The following CNTN5 variants were observed in gnomAD, a reference collection of about 807,000 sequenced individuals.
The protein encoded by CNTN5 is contactin-5.
CNTN5 carries 77 observed loss-of-function variants against 129.1 expected under a neutral mutation model. That is an observed-to-expected ratio of 0.60 (90% confidence interval 0.50 to 0.72). The LOEUF is 0.72. Ranked by LOEUF, CNTN5 falls within the 30% of genes least tolerant of loss-of-function variation. The pLI is 0.00. For synonymous variants in CNTN5, 509 were observed against 465.6 expected, an observed-to-expected ratio of 1.09 and a Z score of -1.20; for missense variants, 1,478 against 1,328.8, an observed-to-expected ratio of 1.11 and a Z score of -1.75.
intron 1 of CNTN5, among the ~76,000 whole-genome samples, chr11:99,150,747 A>G (rs1183409279): frequency 6.6e-6 from 1 of 152,024 alleles, no homozygotes; most frequent in Non-Finnish European, 1.5e-5. Flanking sequence ...AAAGTTAAGG[A>G]TAGTGCTTTA....
At chr11:99,621,335 A>G (rs1950943573) in intron 3 of CNTN5, among the ~76,000 whole-genome samples, 1 of 152,210 alleles carries the variant, frequency 6.6e-6, no homozygotes, top group African/African-American at 2.4e-5. Context: ...AAAAACAAAT[A>G]AGCAAAACCA....
At chr11:99,788,564 G>T (rs1180266060) in intron 3 of CNTN5, among the ~76,000 whole-genome samples, 1 of 151,880 alleles carries the variant, frequency 6.6e-6, no homozygotes, top group African/African-American at 2.4e-5. Flanking sequence ...TACTTGTTCA[G>T]TACTGACCCC....
intron 1 of CNTN5, among the ~76,000 whole-genome samples, chr11:99,207,666 T>C (rs1859551944): frequency 6.6e-6 from 1 of 152,166 alleles, no homozygotes; most frequent in Non-Finnish European, 1.5e-5. Context: ...GTTTAAAGAA[T>C]TGAAAACATC....
intron 2 of CNTN5, among the ~76,000 whole-genome samples, chr11:99,549,995 T>G (rs981355176): frequency 3.3e-5 from 5 of 152,130 alleles, no homozygotes; most frequent in Non-Finnish European, 4.4e-5. Context: ...TTTTAAAATT[T>G]TTGCTGGACC....
chr11:99,946,671 A>G (rs926174756), intron 7 of CNTN5, among the ~76,000 whole-genome samples: 11 of 152,248 alleles, frequency 7.2e-5, no homozygotes, highest in South Asian at 2.1e-4. Context: ...TATCCATAGT[A>G]TGTATATTAC....
chr11:100,318,188 C>T (rs1054181639), intron 21 of CNTN5, among the ~76,000 whole-genome samples: 2 of 146,958 alleles, frequency 1.4e-5, no homozygotes, highest in East Asian at 2.0e-4. Flanking sequence ...TTGCAGTGAG[C>T]CGAGATCGCG....
intron 8 of CNTN5, among the ~76,000 whole-genome samples, chr11:99,993,386 A>G (rs1481818152): frequency 6.6e-6 from 1 of 152,142 alleles, no homozygotes; most frequent in African/African-American, 2.4e-5. Flanking sequence ...CATTTCTAAA[A>G]GAAGAAGGGT....
intron 13 of CNTN5, among the ~76,000 whole-genome samples, chr11:100,088,079 C>T (rs7946594): frequency 0.091 from 13,693 of 151,272 alleles, 1,281 homozygotes; most frequent in African/African-American, 0.24. Context: ...AGAGACACAA[C>T]ACACCAAAAT....
At chr11:99,567,910 T>TAAAAG (rs1949058797) in intron 3 of CNTN5, among the ~76,000 whole-genome samples, 1 of 152,114 alleles carries the variant, frequency 6.6e-6, no homozygotes, top group Non-Finnish European at 1.5e-5. Context: ...ATTTTTATAT[T>TAAAAG]AAAAGAAAAG....
chr11:99,251,835 A>G (rs575979444), intron 1 of CNTN5, among the ~76,000 whole-genome samples: 8 of 152,038 alleles, frequency 5.3e-5, no homozygotes, highest in Non-Finnish European at 1.2e-4. Flanking sequence ...ATCCATGGCT[A>G]TATGGAGAAG....
intron 9 of CNTN5, among the ~76,000 whole-genome samples, chr11:100,032,142 A>G (rs1009786400): frequency 6.6e-6 from 1 of 152,178 alleles, no homozygotes; most frequent in Non-Finnish European, 1.5e-5. Context: ...CAGGTGAGAG[A>G]TATAACTTTA....
chr11:99,032,013 G>A (rs958805080), intron 1 of CNTN5, among the ~76,000 whole-genome samples: 5 of 147,836 alleles, frequency 3.4e-5, no homozygotes, highest in East Asian at 2.0e-4. Flanking sequence ...GAGAATATGC[G>A]GTGTTTGGTT....
chr11:99,991,242 T>G (rs377574426), intron 8 of CNTN5, among the ~76,000 whole-genome samples: 2 of 152,158 alleles, frequency 1.3e-5, no homozygotes, highest in South Asian at 4.1e-4. Flanking sequence ...CCAAGGCAGG[T>G]GGATCACAAG....
intron 4 of CNTN5, among the ~76,000 whole-genome samples, chr11:99,824,656 C>T (rs79172701): frequency 6.6e-6 from 1 of 151,562 alleles, no homozygotes; most frequent in Non-Finnish European, 1.5e-5. Context: ...TAAAAAAAAC[C>T]CTTTTTACCT....
intron 17 of CNTN5, among the ~76,000 whole-genome samples, chr11:100,270,657 G>A (rs960107545): frequency 2.6e-5 from 4 of 152,178 alleles, no homozygotes; most frequent in Non-Finnish European, 4.4e-5. Flanking sequence ...TTTTAAATTA[G>A]AGAGATATAT....
chr11:99,354,603 G>A (rs1183950060), intron 2 of CNTN5, among the ~76,000 whole-genome samples: 1 of 152,112 alleles, frequency 6.6e-6, no homozygotes, highest in African/African-American at 2.4e-5. Context: ...CCCGTAATCA[G>A]TGCTAAGTGA....
intron 18 of CNTN5, among the ~76,000 whole-genome samples, chr11:100,289,733 CA>C (rs1451073266): frequency 5.3e-4 from 79 of 150,342 alleles, no homozygotes; most frequent in African/African-American, 1.9e-3. Context: ...CACTCCTATT[CA>C]ACATAGTGTT....
intron 6 of CNTN5, among the ~76,000 whole-genome samples, chr11:99,860,313 G>C (rs1291643925): frequency 1.3e-5 from 2 of 151,790 alleles, no homozygotes; most frequent in African/African-American, 2.4e-5. Flanking sequence ...AGTTTAGTTA[G>C]GTGTAACTTG....
intron 3 of CNTN5, among the ~76,000 whole-genome samples, chr11:99,720,436 A>C (rs751115052): frequency 3.4e-5 from 5 of 148,340 alleles, no homozygotes; most frequent in Non-Finnish European, 5.9e-5. Flanking sequence ...AGATGTAGAA[A>C]ATGCTTTTGA....
Sources: gnomAD v4.1 joint callset for allele counts (sites outside exome capture counted in the v4.1 genomes callset) on GRCh38, gnomAD v4.1.1 for gene constraint, MANE v1.5 for transcripts, NCBI Gene and HGNC (gene_info 2026-07-23, HGNC 2026-07-21) for gene names.